The following SHANK2 variants were observed in gnomAD, a reference collection of about 807,000 sequenced individuals.
SHANK2 encodes SH3 and multiple ankyrin repeat domains 2.
In SHANK2, 43 loss-of-function variants were observed where a neutral mutation model predicts 133.7. The observed-to-expected ratio is 0.32, with a 90% confidence interval of 0.25 to 0.41. The LOEUF (loss-of-function observed/expected upper bound fraction) is 0.41. Among genes scored for constraint, SHANK2 ranks in the 10% least tolerant of loss-of-function variants. The pLI is 1.00. For missense variants in SHANK2, 1,994 were observed against 2,235.8 expected (o/e 0.89, Z 2.18); for synonymous variants, 1,017 against 952.8 (o/e 1.07, Z -1.24).
intron 3 of SHANK2, among the ~76,000 whole-genome samples, chr11:71,123,755 T>C (rs1952119935): frequency 6.6e-6 from 1 of 152,156 alleles, no homozygotes; most frequent in Non-Finnish European, 1.5e-5. Context: ...GACTCACAGA[T>C]AGTACAGAAA....
chr11:70,829,357 C>T lies in SHANK2; in HGVS notation c.1175-8675G>A, dbSNP rs559493357. Among the ~76,000 whole-genome samples, 5 of 152,184 alleles carry T rather than the reference C, an allele frequency of 3.3e-5. No individual in the cohort carries two copies. The East Asian group carries it at 9.7e-4, about 30-fold the overall frequency. On this transcript the variant is annotated intron_variant, in intron 11 of 25. Transcript: ENST00000601538. ...GTCCGGTGCGTGTGCAGCAGCTGCTCCTGGAGGTGCATTTGCCCACAAGCA... is the reference window on the plus strand; with the variant it reads ...GTCCGGTGCGTGTGCAGCAGCTGCTTCTGGAGGTGCATTTGCCCACAAGCA...
intron 17 of SHANK2, among the ~76,000 whole-genome samples, chr11:70,584,670 T>A (rs1336574974): frequency 6.6e-6 from 1 of 152,140 alleles, no homozygotes; most frequent in Non-Finnish European, 1.5e-5. Context: ...CTGTCCACAT[T>A]TCCCCCCTCT....
chr11:70,715,814 T>C (rs1945903973), intron 14 of SHANK2, among the ~76,000 whole-genome samples: 1 of 152,178 alleles, frequency 6.6e-6, no homozygotes, highest in East Asian at 1.9e-4. Context: ...GCCTGGCGAA[T>C]GTGACCCACA....
chr11:70,639,570 C>T (rs1425470496), intron 17 of SHANK2, among the ~76,000 whole-genome samples: 1 of 152,216 alleles, frequency 6.6e-6, no homozygotes, highest in Admixed American at 6.5e-5. Flanking sequence ...TCAGGTGACA[C>T]AGACCATCAC....
chr11:70,556,195 T>C (rs2059826688), intron 17 of SHANK2, among the ~76,000 whole-genome samples: 1 of 152,226 alleles, frequency 6.6e-6, no homozygotes. Context: ...TCAATACACC[T>C]CATTTCTTTT....
intron 3 of SHANK2, among the ~76,000 whole-genome samples, chr11:71,131,160 A>C (rs1555103631): frequency 6.6e-6 from 1 of 152,244 alleles, no homozygotes; most frequent in African/African-American, 2.4e-5. Context: ...GGTCACCCCA[A>C]ACTACAATTG....
At chr11:70,723,416 C>T (rs1397332706) in intron 14 of SHANK2, among the ~76,000 whole-genome samples, 1 of 151,904 alleles carries the variant, frequency 6.6e-6, no homozygotes, top group African/African-American at 2.4e-5. Flanking sequence ...GAGCAGTCTC[C>T]AGCCCCCAGC....
intron 9 of SHANK2, among the ~76,000 whole-genome samples, chr11:71,070,096 G>GT (rs1951123960): frequency 6.6e-6 from 1 of 152,200 alleles, no homozygotes; most frequent in South Asian, 2.1e-4. Flanking sequence ...AAAGGTAGGG[G>GT]TTCTGCATTC....
At chr11:70,815,254 A>C (rs1354687354) in intron 12 of SHANK2, among the ~76,000 whole-genome samples, 3 of 150,404 alleles carry the variant, frequency 2.0e-5, no homozygotes, top group Admixed American at 6.6e-5. Flanking sequence ...GAGAAGGAGG[A>C]GGCACAGGGA....
In SHANK2 at chr11:71,189,918, G is replaced by A. The variant is rs900116101; in HGVS notation, c.-13+34779C>T. ...CAGCATCTGGGGGAGGCTTCACCAC[G>A]ACTGTTAGGACAAGACGGGCACAGT... On this transcript the variant is annotated intron_variant, in intron 2 of 25. Transcript: ENST00000601538. Among the ~76,000 whole-genome samples the A allele has an allele frequency of 3.9e-5, 6 of 152,218 alleles. No individual in the cohort carries two copies. The East Asian group carries it at 7.7e-4, about 20-fold the overall frequency.
At chr11:70,768,248 T>G (rs1947169130) in intron 14 of SHANK2, among the ~76,000 whole-genome samples, 1 of 152,226 alleles carries the variant, frequency 6.6e-6, no homozygotes, top group South Asian at 2.1e-4. Flanking sequence ...AGGGTAGTTC[T>G]GCCAGTGGCG....
rs781843400 is a variant in SHANK2 at position 70,486,254 on chromosome 11, C to T, written c.4039G>A (p.Glu1347Lys). 3.1e-6 allele frequency: 5 copies of T among 1,613,850 alleles called. No individual in the cohort carries two copies. The highest frequency in any genetic ancestry group is 1.3e-5 in the African/African-American group (1 of 74,898). ...VEMKPDSSPS[E>K]VPEGVSETEG... ...GTTTCGGAAACACCTTCTGGCACCT[C>T]GGACGGCGAGCTGTCTGGCTTCATC... Residue 1347 changes from glutamate to lysine, a missense_variant, in exon 25 of 26, where the codon GAG becomes AAG. Coordinates refer to ENST00000601538, the MANE Select transcript of SHANK2 (RefSeq NM_012309.5). This position sits in a 1 kb window ranked among gnomAD's most constrained non-coding sequence, Gnocchi z 8.0.
chr11:71,165,903 C>A (rs1345010638), intron 2 of SHANK2, among the ~76,000 whole-genome samples: 1 of 152,120 alleles, frequency 6.6e-6, no homozygotes, highest in Non-Finnish European at 1.5e-5. Context: ...CCGGGGAGCA[C>A]CCTCCATGAG....
chr11:70,692,707 A>T (rs1347033017), intron 15 of SHANK2, among the ~76,000 whole-genome samples: 1 of 152,212 alleles, frequency 6.6e-6, no homozygotes, highest in Non-Finnish European at 1.5e-5. Flanking sequence ...CATATCTTGA[A>T]TTTTTAAACC....
At chr11:70,899,353 G>A (rs1231207471) in intron 10 of SHANK2, among the ~76,000 whole-genome samples, 1 of 152,172 alleles carries the variant, frequency 6.6e-6, no homozygotes, top group Non-Finnish European at 1.5e-5. Context: ...CTGTGAAGAG[G>A]TGCCTTATGT....
intron 17 of SHANK2, among the ~76,000 whole-genome samples, chr11:70,590,755 A>G (rs1482492841): frequency 6.6e-6 from 1 of 151,708 alleles, no homozygotes; most frequent in Non-Finnish European, 1.5e-5. Flanking sequence ...TAACTTTTCT[A>G]TGCACTGGGA....
At chr11:70,686,207 C>T (rs1555019543) in intron 15 of SHANK2, among the ~76,000 whole-genome samples, 2 of 114,276 alleles carry the variant, frequency 1.8e-5, no homozygotes, top group African/African-American at 6.9e-5. Flanking sequence ...TCCATCTATC[C>T]ATCCATCCAT....
At chr11:70,532,458 G>A (rs1441099095) in intron 17 of SHANK2, among the ~76,000 whole-genome samples, 4 of 152,100 alleles carry the variant, frequency 2.6e-5, no homozygotes, top group African/African-American at 7.2e-5. Flanking sequence ...ATCAGCAAAC[G>A]CCTCAAGTCT....
In SHANK2 at chr11:70,569,297, G is replaced by A. The variant is rs1481476482; in HGVS notation, c.2062-66366C>T. ...AGCCATGCCGCTGGGGTCCTGGGGG[G>A]TCAGGCTCGGGAGCGTCTGGGGTGA... On this transcript the variant is annotated intron_variant, in intron 17 of 25. Transcript: ENST00000601538. This position sits in a 1 kb window ranked among gnomAD's most constrained non-coding sequence, Gnocchi z 5.1. Among the ~76,000 whole-genome samples the A allele has an allele frequency of 2.0e-5, 3 of 152,208 alleles. No individual in the cohort carries two copies. Among genetic ancestry groups the A allele is most frequent in the East Asian group, 1.9e-4 (1 of 5,190 alleles).
Sources: allele counts gnomAD v4.1 joint callset (sites outside exome capture counted in the v4.1 genomes callset), GRCh38; gene constraint gnomAD v4.1.1; non-coding constraint Gnocchi (gnomAD v3.1); transcripts MANE v1.5; gene names NCBI Gene and HGNC (gene_info 2026-07-23, HGNC 2026-07-21).